Variants in MANBA observed in about 807,000 individuals in gnomAD.
MANBA encodes mannosidase beta.
MANBA carries 83 observed loss-of-function variants against 111.1 expected under a neutral mutation model. That is an observed-to-expected ratio of 0.75 (90% CI 0.63 to 0.90). MANBA has a LOEUF of 0.90. MANBA is among the 40% of genes least tolerant of loss of function. MANBA has a pLI of 0.00. For synonymous variants in MANBA, 370 were observed against 378.7 expected (o/e 0.98, Z 0.27); for missense variants, 1,036 against 1,069.0 (o/e 0.97, Z 0.43).
At chr4:102,701,864 C>A (rs1733066999) in intron 5 of MANBA, among the ~76,000 whole-genome samples, 2 of 151,754 alleles carry the variant, frequency 1.3e-5, no homozygotes, top group African/African-American at 4.9e-5. Flanking sequence ...CGAGGAGTAT[C>A]TTTGTGGCGT....
chr4:102,754,834 C>T (rs985793072), intron 1 of MANBA, among the ~76,000 whole-genome samples: 4 of 152,082 alleles, frequency 2.6e-5, no homozygotes, highest in Non-Finnish European at 4.4e-5. Flanking sequence ...GAATTACAGG[C>T]GTGAGCCACT....
intron 5 of MANBA, among the ~76,000 whole-genome samples, chr4:102,697,212 G>A (rs993933667): frequency 2.0e-5 from 3 of 151,760 alleles, no homozygotes; most frequent in African/African-American, 7.3e-5. Flanking sequence ...GGTATTTCAA[G>A]CAAAATACCC....
At chr4:102,729,657 AC>A in intron 1 of MANBA, 1 of 1,465,398 alleles carries the variant, frequency 6.8e-7, no homozygotes, top group Non-Finnish European at 9.5e-7. Flanking sequence ...GAAGTCCTCC[AC>A]CAGCCCGGGC....
intron 1 of MANBA, chr4:102,753,889 C>T (rs1299874912): frequency 2.3e-6 from 1 of 430,134 alleles, no homozygotes; most frequent in South Asian, 1.6e-5. Flanking sequence ...TCGAGACCAG[C>T]TTGAGCAACA....
chr4:102,713,271 C>G (rs139689597), intron 5 of MANBA, among the ~76,000 whole-genome samples: 1 of 152,262 alleles, frequency 6.6e-6, no homozygotes, highest in African/African-American at 2.4e-5. Context: ...GAGCATTGCA[C>G]GCTCTCATTT....
intron 7 of MANBA, among the ~76,000 whole-genome samples, chr4:102,684,913 T>C (rs991601226): frequency 6.6e-6 from 1 of 152,182 alleles, no homozygotes; most frequent in Non-Finnish European, 1.5e-5. Flanking sequence ...TCTGGAGTTT[T>C]CCATTTACTA....
At chr4:102,698,744 G>A (rs1471679204) in intron 5 of MANBA, among the ~76,000 whole-genome samples, 1 of 151,756 alleles carries the variant, frequency 6.6e-6, no homozygotes, top group Non-Finnish European at 1.5e-5. Flanking sequence ...GTACCATGCT[G>A]TTTTGGTTAC....
chr4:102,659,972 C>G (rs1730851328), intron 11 of MANBA, among the ~76,000 whole-genome samples: 1 of 152,074 alleles, frequency 6.6e-6, no homozygotes, highest in African/African-American at 2.4e-5. Flanking sequence ...TGTTCTACAC[C>G]CTGTCCCATG....
chr4:102,633,191 G>A (rs1729465923), intron 16 of MANBA: 1 of 397,874 alleles, frequency 2.5e-6, no homozygotes, highest in African/African-American at 2.1e-5. Flanking sequence ...AGCGTATCAG[G>A]TTGCTCTTCA....
chr4:102,672,924 T>C (rs1391619332), intron 8 of MANBA, among the ~76,000 whole-genome samples: 1 of 152,332 alleles, frequency 6.6e-6, no homozygotes, highest in East Asian at 1.9e-4. Context: ...GGGACTGCTG[T>C]CCTACGTAGT....
At chr4:102,718,986 A>G (rs223503) in intron 4 of MANBA, among the ~76,000 whole-genome samples, 61,416 of 152,046 alleles carry the variant, frequency 0.4, 14,547 homozygotes, top group African/African-American at 0.67. Flanking sequence ...TACTGATGAC[A>G]GTCTATGTCC....
chr4:102,698,605 G>C (rs1295478931), intron 5 of MANBA, among the ~76,000 whole-genome samples: 1 of 148,938 alleles, frequency 6.7e-6, no homozygotes, highest in Non-Finnish European at 1.5e-5. Flanking sequence ...ACCATTTATT[G>C]AATAGGGAAT....
chr4:102,702,268 C>T lies in MANBA; in HGVS notation c.674-11497G>A, dbSNP rs28574657. ...TTCTAGTTATACATTCGTCTAAATTCTTTTCAAAGTTTTTAACTTCTTTGC... is the reference window on the plus strand; with the variant it reads ...TTCTAGTTATACATTCGTCTAAATTTTTTTCAAAGTTTTTAACTTCTTTGC... On this transcript the variant is annotated intron_variant, in intron 5 of 16. Transcript: ENST00000647097. 6.0e-3 allele frequency among the ~76,000 whole-genome samples: 877 copies of T among 147,036 alleles called. 3 individuals carry two copies. The highest frequency in any genetic ancestry group is 0.017 in the African/African-American group (653 of 37,552).
At chr4:102,703,082 T>C (rs1733134032) in intron 5 of MANBA, among the ~76,000 whole-genome samples, 1 of 152,208 alleles carries the variant, frequency 6.6e-6, no homozygotes, top group Non-Finnish European at 1.5e-5. Context: ...AAACCATTTT[T>C]AACACTACTA....
intron 13 of MANBA, among the ~76,000 whole-genome samples, chr4:102,640,384 T>C (rs186977783): frequency 2.2e-3 from 337 of 152,336 alleles, no homozygotes; most frequent in African/African-American, 7.9e-3. Context: ...TTTTTGGTAA[T>C]GTAAGATTTC....
rs121434335 is a variant in MANBA, at chr4:102,726,614, C to A, written c.247G>T (p.Glu83Ter). 6.4e-7 allele frequency: 1 copy of A among 1,551,486 alleles called. No homozygotes were observed. Among genetic ancestry groups the A allele is most frequent in the Non-Finnish European group, 8.9e-7 (1 of 1,124,462 alleles). Residue 83 changes from glutamate to a stop codon, truncating the protein, a stop_gained, in exon 2 of 17, where the codon GAA (glutamate) becomes TAA (stop). Transcript: ENST00000647097. LOFTEE classifies it high-confidence loss of function. Reference protein sequence around the residue: ...VSLDNWTYSKEFKIPFEISKW... With the variant: ...VSLDNWTYSK ...CTAATTTCAAAGGGGATTTTAAATTCTTTGCTATAGGTCCAGTTATCCAAA... is the reference window on the plus strand; with the variant it reads ...CTAATTTCAAAGGGGATTTTAAATTATTTGCTATAGGTCCAGTTATCCAAA...
At chr4:102,732,581 A>G (rs542860976) in intron 1 of MANBA, among the ~76,000 whole-genome samples, 1 of 152,246 alleles carries the variant, frequency 6.6e-6, no homozygotes, top group Non-Finnish European at 1.5e-5. Context: ...ACTGGAAGAA[A>G]TATTTTGATA....
rs554763870 is a variant in MANBA, at chr4:102,712,685, A to ATTTTTGTAT, written c.673+1744_673+1752dup. Among the ~76,000 whole-genome samples, 81 of 151,986 alleles carry ATTTTTGTAT rather than the reference A, an allele frequency of 5.3e-4. No homozygotes were observed. The East Asian group carries it at 0.013, about 25-fold the overall frequency. The stretch of plus-strand genomic sequence containing the variant: ...AGGTGAACGCCACCAGGCCTGGCTA[A>ATTTTTGTAT]TTTTTGTATTTTTTGTATTTTTTGT... On this transcript the variant is annotated intron_variant, in intron 5 of 16. Coordinates refer to ENST00000647097, the MANE Select transcript of MANBA (RefSeq NM_005908.4).
At position 102,703,973 on chromosome 4, in the gene MANBA, T is replaced by C. The variant is rs529075377; in HGVS notation, c.673+10465A>G. 7.2e-5 allele frequency among the ~76,000 whole-genome samples: 11 copies of C among 152,102 alleles called. No homozygotes were observed. In the East Asian group the frequency reaches 2.1e-3, roughly 29 times the overall value. On this transcript the variant is annotated intron_variant, in intron 5 of 16. Coordinates refer to ENST00000647097, the MANE Select transcript of MANBA (RefSeq NM_005908.4). Reference sequence around the variant, plus strand: ...AGCCAGGCGTGGTGTCGAACACCTGTAGTACCAGCTACTCGGGAGGCTAAG... The same window carrying C: ...AGCCAGGCGTGGTGTCGAACACCTGCAGTACCAGCTACTCGGGAGGCTAAG...
Sources: allele counts gnomAD v4.1 joint callset (sites outside exome capture counted in the v4.1 genomes callset), GRCh38; gene constraint gnomAD v4.1.1; transcripts MANE v1.5; gene names NCBI Gene and HGNC (gene_info 2026-07-23, HGNC 2026-07-21).